The following IL1RAPL2 variants were observed in gnomAD, a reference collection of about 807,000 sequenced individuals.
The protein encoded by IL1RAPL2 is X-linked interleukin-1 receptor accessory protein-like 2.
IL1RAPL2 carries 3 observed loss-of-function variants against 44.1 expected under a neutral mutation model. That is an observed-to-expected ratio of 0.07 (90% CI 0.03 to 0.18). IL1RAPL2 has a LOEUF of 0.18. Among genes scored for constraint, IL1RAPL2 ranks in the 10% least tolerant of loss-of-function variants. IL1RAPL2 has a pLI of 1.00. For synonymous variants in IL1RAPL2, 181 were observed against 178.8 expected (o/e 1.01, Z -0.10); for missense variants, 391 against 496.4 (o/e 0.79, Z 2.02).
intron 5 of IL1RAPL2, among the ~76,000 whole-genome samples, chrX:105,351,712 T>A (rs192555465): frequency 1.4e-4 from 16 of 110,588 alleles, no homozygotes; most frequent in African/African-American, 5.3e-4. Context: ...CAAACCACCA[T>A]GGCGCATGTA....
chrX:104,976,424 G>T (rs1210574720), intron 2 of IL1RAPL2, among the ~76,000 whole-genome samples: 1 of 111,810 alleles, frequency 8.9e-6, no homozygotes, highest in African/African-American at 3.3e-5. Flanking sequence ...GCCAGTGAAT[G>T]AAATATGACA....
chrX:105,706,334 A>G (rs1246061477), intron 6 of IL1RAPL2, among the ~76,000 whole-genome samples: 2 of 112,188 alleles, frequency 1.8e-5, no homozygotes, highest in Admixed American at 9.5e-5. Context: ...AAAAATGCAC[A>G]TTACATGGTA....
At chrX:105,468,785 T>A (rs2036147293) in intron 5 of IL1RAPL2, among the ~76,000 whole-genome samples, 1 of 111,752 alleles carries the variant, frequency 8.9e-6, no homozygotes. Flanking sequence ...CTGTTCTGCA[T>A]TTTTTATCTG....
chrX:105,559,078 T>C (rs1261793472), intron 6 of IL1RAPL2, among the ~76,000 whole-genome samples: 1 of 111,805 alleles, frequency 8.9e-6, no homozygotes, highest in East Asian at 2.8e-4. Flanking sequence ...GTAAACCAAC[T>C]TATTTTTATC....
At chrX:105,049,586 T>C (rs1034012299) in intron 2 of IL1RAPL2, among the ~76,000 whole-genome samples, 5 of 111,513 alleles carry the variant, frequency 4.5e-5, no homozygotes, top group African/African-American at 9.8e-5. Flanking sequence ...TTAATGATTA[T>C]AACTTTTCTA....
intron 2 of IL1RAPL2, among the ~76,000 whole-genome samples, chrX:105,078,435 C>G (rs1466231543): frequency 1.8e-5 from 2 of 111,522 alleles, no homozygotes; most frequent in African/African-American, 6.5e-5. Context: ...AGGTGTCAGT[C>G]CGCCCCTACT....
intron 1 of IL1RAPL2, among the ~76,000 whole-genome samples, chrX:104,590,507 A>C (rs1430357680): frequency 8.9e-6 from 1 of 112,192 alleles, no homozygotes; most frequent in African/African-American, 3.2e-5. Flanking sequence ...GGCACTCTAA[A>C]TCATAGTCTT....
chrX:105,434,680 A>T (rs185034899), intron 5 of IL1RAPL2, among the ~76,000 whole-genome samples: 2 of 112,100 alleles, frequency 1.8e-5, no homozygotes, highest in East Asian at 5.6e-4. Flanking sequence ...CGCTGTGATG[A>T]TAGTTTCCTT....
intron 2 of IL1RAPL2, among the ~76,000 whole-genome samples, chrX:104,709,457 T>G (rs1480762091): frequency 9.0e-6 from 1 of 110,600 alleles, no homozygotes; most frequent in Non-Finnish European, 1.9e-5. Context: ...GTACTTTCTA[T>G]ATGTTACCTC....
chrX:104,761,982 TTCCTCCTCCTCC>T (rs1207359656), intron 2 of IL1RAPL2, among the ~76,000 whole-genome samples: 1 of 85,498 alleles, frequency 1.2e-5, no homozygotes, highest in Admixed American at 1.4e-4. Flanking sequence ...CTTCTTCTTC[TTCCTCCTCCTCC>T]TCTTCTTCTT....
At chrX:104,947,051 A>G (rs1482718921) in intron 2 of IL1RAPL2, among the ~76,000 whole-genome samples, 4 of 108,203 alleles carry the variant, frequency 3.7e-5, no homozygotes, top group Admixed American at 9.9e-5. Flanking sequence ...AAGTGTTCCT[A>G]TTTCTCCACA....
chrX:104,768,878 G>A (rs1233981200), intron 2 of IL1RAPL2, among the ~76,000 whole-genome samples: 2 of 110,523 alleles, frequency 1.8e-5, no homozygotes, highest in African/African-American at 6.6e-5. Flanking sequence ...CATTCCCATC[G>A]ATCCTCAGGG....
chrX:104,719,195 G>A (rs922606149), intron 2 of IL1RAPL2, among the ~76,000 whole-genome samples: 3 of 112,352 alleles, frequency 2.7e-5, no homozygotes, highest in Admixed American at 9.4e-5. Context: ...TTTACATTTT[G>A]TATCTAATTA....
intron 5 of IL1RAPL2, chrX:105,405,693 A>T: frequency 2.0e-6 from 2 of 996,212 alleles, no homozygotes; most frequent in Non-Finnish European, 2.9e-6. Flanking sequence ...AAGAACGGAA[A>T]GAGTAAGAGA....
chrX:104,745,833 T>C lies in IL1RAPL2; in HGVS notation c.82+86838T>C, dbSNP rs190057001. Among the ~76,000 whole-genome samples the C allele has an allele frequency of 8.1e-5, 9 of 111,608 alleles. No individual in the cohort carries two copies. The East Asian group carries it at 2.5e-3, about 32-fold the overall frequency. Reference sequence around the variant, plus strand: ...AGGTGTGATCAAACTGTTTGAAATATATATTAGAGAACAGGTATTTATTAA... The same window carrying C: ...AGGTGTGATCAAACTGTTTGAAATACATATTAGAGAACAGGTATTTATTAA... On this transcript the variant is annotated intron_variant, in intron 2 of 10. Transcript: ENST00000372582.
At chrX:105,529,541 A>G (rs1406781706) in intron 6 of IL1RAPL2, among the ~76,000 whole-genome samples, 1 of 111,180 alleles carries the variant, frequency 9.0e-6, no homozygotes, top group Non-Finnish European at 1.9e-5. Flanking sequence ...CTTTTTCATC[A>G]AATGTGTCCA....
At chrX:105,050,249 G>A (rs994754852) in intron 2 of IL1RAPL2, among the ~76,000 whole-genome samples, 2 of 111,898 alleles carry the variant, frequency 1.8e-5, no homozygotes, top group Non-Finnish European at 3.8e-5. Flanking sequence ...TCTCATCTAA[G>A]GAGTAAAAAG....
chrX:105,344,862 A>T (rs1236028898), intron 5 of IL1RAPL2, among the ~76,000 whole-genome samples: 1 of 112,203 alleles, frequency 8.9e-6, no homozygotes, highest in African/African-American at 3.2e-5. Context: ...ACAGTACCTT[A>T]CAATTTTATC....
intron 2 of IL1RAPL2, among the ~76,000 whole-genome samples, chrX:105,157,153 A>G (rs1340762897): frequency 9.1e-6 from 1 of 109,556 alleles, no homozygotes; most frequent in Non-Finnish European, 1.9e-5. Flanking sequence ...AAAAAAGCAT[A>G]TGCCATGAAA....
Sources: gnomAD v4.1 joint callset for allele counts (sites outside exome capture counted in the v4.1 genomes callset) on GRCh38, gnomAD v4.1.1 for gene constraint, MANE v1.5 for transcripts, NCBI Gene and HGNC (gene_info 2026-07-23, HGNC 2026-07-21) for gene names.